Variants in MEIS2 observed in about 807,000 individuals in gnomAD.
The protein encoded by MEIS2 is homeobox protein Meis2.
MEIS2 carries 9 observed loss-of-function variants against 58.6 expected under a neutral mutation model. The observed-to-expected ratio is 0.15, with a 90% CI of 0.09 to 0.27. The LOEUF (loss-of-function observed/expected upper bound fraction) is 0.27. MEIS2 is among the 10% of genes least tolerant of loss of function. MEIS2 has a pLI of 1.00. For synonymous variants in MEIS2, 221 were observed against 228.4 expected, an observed-to-expected ratio of 0.97 and a Z score of 0.29; for missense variants, 427 against 635.0, an observed-to-expected ratio of 0.67 and a Z score of 3.52.
intron 7 of MEIS2, among the ~76,000 whole-genome samples, chr15:37,069,355 A>C (rs1293495199): frequency 6.6e-6 from 1 of 152,194 alleles, no homozygotes; most frequent in Non-Finnish European, 1.5e-5. Context: ...CATTCTTTAG[A>C]GGTATTGCAG....
At chr15:36,970,432 G>A (rs2059510907) in intron 8 of MEIS2, among the ~76,000 whole-genome samples, 1 of 151,328 alleles carries the variant, frequency 6.6e-6, no homozygotes, top group African/African-American at 2.4e-5. Context: ...AAACATTTGT[G>A]TGTGTGTGTC....
chr15:37,035,362 G>A (rs1226294678), intron 8 of MEIS2, among the ~76,000 whole-genome samples: 1 of 152,198 alleles, frequency 6.6e-6, no homozygotes, highest in Non-Finnish European at 1.5e-5. Flanking sequence ...AAGGTTCAGG[G>A]CTTTGCTGTT....
At chr15:36,893,038 G>A (rs994880076) in intron 11 of MEIS2, among the ~76,000 whole-genome samples, 42 of 152,276 alleles carry the variant, frequency 2.8e-4, no homozygotes, top group African/African-American at 9.4e-4. Flanking sequence ...AAAGGTCAAA[G>A]GTAAGAAGTC....
At chr15:36,900,188 T>A (rs920095449) in intron 9 of MEIS2, among the ~76,000 whole-genome samples, 1 of 152,236 alleles carries the variant, frequency 6.6e-6, no homozygotes, top group Non-Finnish European at 1.5e-5. Context: ...AAAAACATTC[T>A]GAGTTTTTTT....
chr15:36,900,188 T>C (rs920095449), intron 9 of MEIS2, among the ~76,000 whole-genome samples: 1 of 152,236 alleles, frequency 6.6e-6, no homozygotes. Flanking sequence ...AAAAACATTC[T>C]GAGTTTTTTT....
At chr15:36,986,715 C>T (rs1392206571) in intron 8 of MEIS2, among the ~76,000 whole-genome samples, 1 of 152,186 alleles carries the variant, frequency 6.6e-6, no homozygotes, top group Non-Finnish European at 1.5e-5. Context: ...GATCTGCTGA[C>T]CCCCACCTTT....
intron 1 of MEIS2, chr15:37,099,115 G>A (rs1178773162): frequency 4.8e-6 from 5 of 1,046,468 alleles, no homozygotes; most frequent in African/African-American, 1.7e-5. Flanking sequence ...AGAACCGGGG[G>A]AATCGCGCTG....
rs886185949 is a variant in MEIS2, at chr15:36,909,653, A to C, written c.978-12967T>G. On this transcript the variant is annotated intron_variant, in intron 9 of 11. Transcript: ENST00000561208. ...ACTAGAGGTATTAGTTAAAGGTGCG[A>C]ATCTATCTGGGCATTAGAGAGGCCA... 5.3e-5 allele frequency among the ~76,000 whole-genome samples: 8 copies of C among 152,284 alleles called. No homozygotes were observed. The East Asian group carries it at 1.4e-3, about 26-fold the overall frequency.
rs118056683 is a variant in MEIS2 at position 37,077,201 on chromosome 15, G to C, written c.754+6570C>G. On this transcript the variant is annotated intron_variant, in intron 7 of 11. Transcript: ENST00000561208. ...CATATAAATACCCTGATCCGTGTGAGGAAAGGAGAAGCTAATTGGAAGTCA... is the reference window on the plus strand; with the variant it reads ...CATATAAATACCCTGATCCGTGTGACGAAAGGAGAAGCTAATTGGAAGTCA... Among the ~76,000 whole-genome samples, 434 of 152,190 alleles carry C rather than the reference G, an allele frequency of 2.9e-3. 4 individuals are homozygous for C. The highest frequency in any genetic ancestry group is 0.01 in the Middle Eastern group (3 of 294).
intron 8 of MEIS2, among the ~76,000 whole-genome samples, chr15:36,990,765 G>T (rs990425332): frequency 5.3e-5 from 8 of 151,554 alleles, no homozygotes; most frequent in African/African-American, 1.9e-4. Flanking sequence ...AACATTTTTA[G>T]TACAATAATT....
intron 8 of MEIS2, among the ~76,000 whole-genome samples, chr15:37,000,053 C>T (rs2060664642): frequency 6.6e-6 from 1 of 152,108 alleles, no homozygotes; most frequent in South Asian, 2.1e-4. Context: ...ATTAATATTC[C>T]AGCAAGGAAG....
rs368143791 is a variant in MEIS2, at chr15:36,970,361, G to A, written c.901-19961C>T. 2.3e-3 allele frequency among the ~76,000 whole-genome samples: 339 copies of A among 150,078 alleles called. 1 individual carries two copies. The highest frequency in any genetic ancestry group is 3.0e-3 in the Non-Finnish European group (206 of 67,746). On this transcript the variant is annotated intron_variant, in intron 8 of 11. Transcript: ENST00000561208. Reference sequence around the variant, plus strand: ...GGAGCTTGCAGTGAGCCGAGATCGCGCCACTGCACTCCAGCCTGGGCGACA... The same window carrying A: ...GGAGCTTGCAGTGAGCCGAGATCGCACCACTGCACTCCAGCCTGGGCGACA...
intron 8 of MEIS2, among the ~76,000 whole-genome samples, chr15:37,025,718 G>T (rs565837187): frequency 7.3e-6 from 1 of 137,856 alleles, no homozygotes; most frequent in African/African-American, 2.7e-5. Context: ...AAGGACCAAA[G>T]AGCATGAAAT....
intron 8 of MEIS2, among the ~76,000 whole-genome samples, chr15:36,966,655 G>A (rs778120541): frequency 6.6e-6 from 1 of 152,192 alleles, no homozygotes; most frequent in Non-Finnish European, 1.5e-5. Context: ...GCCAGGCACT[G>A]TTACAGGAGA....
intron 7 of MEIS2, among the ~76,000 whole-genome samples, chr15:37,071,183 T>C (rs1890658986): frequency 6.6e-6 from 1 of 152,132 alleles, no homozygotes; most frequent in Non-Finnish European, 1.5e-5. Flanking sequence ...TATATTATTG[T>C]AGCACAGTGG....
intron 8 of MEIS2, among the ~76,000 whole-genome samples, chr15:37,009,593 C>A (rs2141626791): frequency 6.6e-6 from 1 of 152,258 alleles, no homozygotes; most frequent in African/African-American, 2.4e-5. Context: ...AAAATATATC[C>A]TTTGGAGTGA....
At chr15:36,982,942 T>C (rs779601301) in intron 8 of MEIS2, among the ~76,000 whole-genome samples, 4 of 152,168 alleles carry the variant, frequency 2.6e-5, no homozygotes, top group Admixed American at 6.5e-5. Flanking sequence ...GCCATTTGTA[T>C]GTCTTCTTTG....
At chr15:36,937,763 GAAAC>G (rs898842340) in intron 9 of MEIS2, among the ~76,000 whole-genome samples, 13 of 151,810 alleles carry the variant, frequency 8.6e-5, no homozygotes, top group African/African-American at 2.9e-4. Context: ...GCTACAAAGA[GAAAC>G]AAACAAACAA....
chr15:36,969,536 T>A (rs988433818), intron 8 of MEIS2, among the ~76,000 whole-genome samples: 3 of 152,240 alleles, frequency 2.0e-5, no homozygotes, highest in African/African-American at 7.2e-5. Context: ...GTATTGTTTA[T>A]ATGAGAACAA....
Sources: gnomAD v4.1 joint callset for allele counts (sites outside exome capture counted in the v4.1 genomes callset) on GRCh38, gnomAD v4.1.1 for gene constraint, MANE v1.5 for transcripts, NCBI Gene and HGNC (gene_info 2026-07-23, HGNC 2026-07-21) for gene names.